Variants in MAGI1 observed in about 807,000 individuals in gnomAD.
MAGI1 encodes the protein membrane-associated guanylate kinase, WW and PDZ domain-containing protein 1.
MAGI1 carries 58 observed loss-of-function variants against 139.9 expected under a neutral mutation model. The observed-to-expected ratio is 0.41, with a 90% CI of 0.34 to 0.52. MAGI1 has a LOEUF of 0.52. Ranked by LOEUF, MAGI1 falls within the 20% of genes least tolerant of loss-of-function variation. The pLI is 0.12. For synonymous variants in MAGI1, 812 were observed against 737.9 expected, an observed-to-expected ratio of 1.10 and a Z score of -1.63; for missense variants, 1,874 against 1,901.6, an observed-to-expected ratio of 0.99 and a Z score of 0.27.
intron 2 of MAGI1, among the ~76,000 whole-genome samples, chr3:65,501,453 CAAA>C (rs35967662): frequency 1.2e-5 from 1 of 80,646 alleles, no homozygotes; most frequent in African/African-American, 5.3e-5. Flanking sequence ...GACTCTGTCT[CAAA>C]AAAAAAAAAA....
chr3:65,604,680 C>T (rs1207025175), intron 2 of MAGI1, among the ~76,000 whole-genome samples: 1 of 151,428 alleles, frequency 6.6e-6, no homozygotes, highest in East Asian at 1.9e-4. Flanking sequence ...TATTTTCCTA[C>T]TGGATTTTAA....
At chr3:65,435,625 T>C (rs1575735316) in intron 10 of MAGI1, among the ~76,000 whole-genome samples, 1 of 152,180 alleles carries the variant, frequency 6.6e-6, no homozygotes, top group South Asian at 2.1e-4. Context: ...CATAGTCTCT[T>C]GCCTCCATGG....
intron 3 of MAGI1, among the ~76,000 whole-genome samples, chr3:65,483,249 C>T (rs572715534): frequency 6.6e-6 from 1 of 152,310 alleles, no homozygotes; most frequent in South Asian, 2.1e-4. Context: ...CTGCCCTTAC[C>T]GTGCAGCAAT....
At chr3:65,477,015 G>A (rs952756731) in intron 4 of MAGI1, among the ~76,000 whole-genome samples, 1 of 152,046 alleles carries the variant, frequency 6.6e-6, no homozygotes, top group African/African-American at 2.4e-5. Context: ...AGCTAAAAGG[G>A]GAAACTCAGA....
chr3:65,620,829 T>G (rs11707223), intron 2 of MAGI1, among the ~76,000 whole-genome samples: 65,016 of 151,940 alleles, frequency 0.43, 14,200 homozygotes, highest in Non-Finnish European at 0.45. Context: ...CTCTGTTTTA[T>G]TAATGAGTAA....
intron 8 of MAGI1, 93 bp from the exon 9 acceptor site, chr3:65,440,105 G>C: frequency 5.0e-6 from 7 of 1,403,874 alleles, no homozygotes; most frequent in Non-Finnish European, 7.0e-6. Flanking sequence ...AAACTGAGCA[G>C]AGCAGGTGGT....
chr3:65,890,437 C>T (rs981454722), intron 1 of MAGI1, among the ~76,000 whole-genome samples: 2 of 152,042 alleles, frequency 1.3e-5, no homozygotes, highest in African/African-American at 4.8e-5. Context: ...ACACACACAC[C>T]GAGGAGGTCA....
At chr3:65,443,343 T>C (rs1367791385) in intron 7 of MAGI1, among the ~76,000 whole-genome samples, 2 of 152,208 alleles carry the variant, frequency 1.3e-5, no homozygotes, top group East Asian at 3.8e-4. Context: ...GCAGTTGGGT[T>C]TTTGAACTGC....
intron 4 of MAGI1, among the ~76,000 whole-genome samples, chr3:65,473,755 A>C (rs1265307295): frequency 6.6e-6 from 1 of 152,110 alleles, no homozygotes; most frequent in Non-Finnish European, 1.5e-5. Context: ...GGAAAAAAAA[A>C]AATCCCTTCA....
intron 5 of MAGI1, among the ~76,000 whole-genome samples, chr3:65,468,367 C>CTT (rs71102860): frequency 1.8e-4 from 11 of 61,366 alleles, no homozygotes; most frequent in African/African-American, 6.9e-4. Context: ...AGAGGGTATT[C>CTT]TTTTTTTTTT....
At chr3:65,815,215 T>C (rs1267538660) in intron 1 of MAGI1, among the ~76,000 whole-genome samples, 1 of 152,224 alleles carries the variant, frequency 6.6e-6, no homozygotes, top group Admixed American at 6.5e-5. Context: ...CTGACAATTC[T>C]GGGGCCCATG....
At chr3:65,454,539 A>ATAATAG (rs1204868237) in intron 5 of MAGI1, among the ~76,000 whole-genome samples, 1 of 146,058 alleles carries the variant, frequency 6.8e-6, no homozygotes, top group Non-Finnish European at 1.5e-5. Flanking sequence ...AATAATAATA[A>ATAATAG]TAATAATAAT....
At chr3:65,568,088 G>T (rs1311555764) in intron 2 of MAGI1, among the ~76,000 whole-genome samples, 2 of 152,024 alleles carry the variant, frequency 1.3e-5, no homozygotes, top group African/African-American at 4.8e-5. Flanking sequence ...CCGGGTAAAG[G>T]ACACAACCAG....
chr3:65,791,897 T>C (rs1417546621), intron 1 of MAGI1, among the ~76,000 whole-genome samples: 1 of 152,188 alleles, frequency 6.6e-6, no homozygotes, highest in Non-Finnish European at 1.5e-5. Flanking sequence ...TTCAGGTGCC[T>C]TTTCAAAACA....
chr3:65,696,612 G>A (rs1477865853), intron 1 of MAGI1, among the ~76,000 whole-genome samples: 1 of 151,950 alleles, frequency 6.6e-6, no homozygotes, highest in Non-Finnish European at 1.5e-5. Flanking sequence ...ATGTCCATGA[G>A]CTTCATGTTT....
intron 1 of MAGI1, among the ~76,000 whole-genome samples, chr3:65,798,320 C>CAAA: frequency 6.6e-6 from 1 of 151,870 alleles, no homozygotes; most frequent in Non-Finnish European, 1.5e-5. Context: ...AACAAACAAA[C>CAAA]AAACAAACAA....
chr3:66,021,885 C>T (rs569143932), intron 1 of MAGI1, among the ~76,000 whole-genome samples: 1 of 152,098 alleles, frequency 6.6e-6, no homozygotes. Flanking sequence ...TTCCATTCAC[C>T]CAAATCCAAT....
intron 1 of MAGI1, among the ~76,000 whole-genome samples, chr3:65,684,598 A>G (rs1037117997): frequency 6.6e-6 from 1 of 152,212 alleles, no homozygotes; most frequent in Admixed American, 6.5e-5. Flanking sequence ...TTGTAGATAC[A>G]TGAACCTACA....
intron 4 of MAGI1, 150 bp downstream of exon 4, chr3:65,478,442 T>C: frequency 1.4e-6 from 1 of 693,284 alleles, no homozygotes; most frequent in Non-Finnish European, 2.5e-6. Context: ...AAGGACCATC[T>C]CTTCTGCAAG....
Sources: allele counts gnomAD v4.1 joint callset (sites outside exome capture counted in the v4.1 genomes callset), GRCh38; gene constraint gnomAD v4.1.1; transcripts MANE v1.5; gene names NCBI Gene and HGNC (gene_info 2026-07-23, HGNC 2026-07-21).